The following MYO9B variants were observed in gnomAD, a reference collection of about 807,000 sequenced individuals.
MYO9B encodes unconventional myosin-IXb.
MYO9B carries 71 observed loss-of-function variants against 229.5 expected under a neutral mutation model. The observed-to-expected ratio is 0.31, with a 90% CI of 0.26 to 0.38. MYO9B has a LOEUF of 0.38. MYO9B is among the 10% of genes least tolerant of loss of function. MYO9B has a pLI of 1.00. For missense variants in MYO9B, 2,255 were observed against 2,920.5 expected, an observed-to-expected ratio of 0.77 and a Z score of 5.25; for synonymous variants, 1,185 against 1,235.8, an observed-to-expected ratio of 0.96 and a Z score of 0.86.
intron 2 of MYO9B, among the ~76,000 whole-genome samples, chr19:17,108,372 C>CA (rs2057813361): frequency 1.5e-5 from 1 of 65,728 alleles, no homozygotes; most frequent in Non-Finnish European, 3.0e-5. Context: ...CTGGATTTCT[C>CA]AACCTGGCTC....
chr19:17,205,387 A>G, intron 31 of MYO9B, 51 bp downstream of exon 31: 2 of 1,555,660 alleles, frequency 1.3e-6, no homozygotes, highest in Non-Finnish European at 1.8e-6. Context: ...ACTCACGGCC[A>G]GGTGCACCAG....
Position 17,175,711 on chromosome 19 carries a change from G to T in MYO9B, c.2189G>T (p.Gly730Val). 6.3e-7 allele frequency: 1 copy of T among 1,575,956 alleles called. No individual in the cohort carries two copies. Among genetic ancestry groups the T allele is most frequent in the Non-Finnish European group, 8.6e-7 (1 of 1,161,086 alleles). The change falls in exon 14 of 40, where the codon GGA becomes GTA. Residue 730 changes from glycine to valine, a missense_variant. Gly to Val is a moderately radical substitution (Grantham distance 109). This residue lies in a region of MYO9B where 155 missense variants were observed against 159.1 expected (regional missense o/e 0.97). Coordinates refer to ENST00000682292, the MANE Select transcript of MYO9B (RefSeq NM_004145.4). Reference sequence around the variant, plus strand: ...AGTCACCCAGAAGAGCTGCCAAGAGGAGCCAGCACCCCTTCGGAAAAACTT... The same window carrying T: ...AGTCACCCAGAAGAGCTGCCAAGAGTAGCCAGCACCCCTTCGGAAAAACTT... ...AQSHPEELPR[G>V]ASTPSEKLYR...
At chr19:17,210,511 G>C in intron 37 of MYO9B, 131 bp downstream of exon 37, 1 of 1,286,776 alleles carries the variant, frequency 7.8e-7, no homozygotes. Flanking sequence ...ATGCTGGGGA[G>C]GCCCCTTGCC....
At chr19:17,136,326 A>G (rs1215194162) in intron 2 of MYO9B, among the ~76,000 whole-genome samples, 2 of 152,146 alleles carry the variant, frequency 1.3e-5, no homozygotes. Flanking sequence ...GAGACGAGTC[A>G]GTGCCTCGAG....
chr19:17,181,089 A>G (rs1462383426), intron 15 of MYO9B, 49 bp downstream of exon 15: 3 of 1,357,554 alleles, frequency 2.2e-6, no homozygotes, highest in East Asian at 4.7e-5. Context: ...ACCGCCTCCC[A>G]CTACTCCTGC....
chr19:17,130,562 G>A (rs539325503), intron 2 of MYO9B, among the ~76,000 whole-genome samples: 133 of 152,124 alleles, frequency 8.7e-4, no homozygotes, highest in African/African-American at 3.0e-3. Flanking sequence ...GGAGCTTGGA[G>A]TGAGCCGAGA....
rs2145451426 is a variant in MYO9B at position 17,193,323 on chromosome 19, A to G, written c.3128+261A>G. ...ATTCTCTGCCCAGGGACTCCCCTGT[A>G]CCTGGATCGGTCAGGGAACACCTGG... On this transcript the variant is annotated intron_variant, in intron 21 of 39. Coordinates refer to ENST00000682292, the MANE Select transcript of MYO9B (RefSeq NM_004145.4). This position sits in a 1 kb window ranked among gnomAD's most constrained non-coding sequence, Gnocchi z 4.3. Among the ~76,000 whole-genome samples, 1 of 152,290 alleles carries G rather than the reference A, an allele frequency of 6.6e-6. No individual in the cohort carries two copies. The highest frequency in any genetic ancestry group is 6.5e-5 in the Admixed American group (1 of 15,294).
intron 1 of MYO9B, among the ~76,000 whole-genome samples, chr19:17,084,215 G>A (rs776457052): frequency 1.6e-4 from 24 of 151,990 alleles, no homozygotes; most frequent in Non-Finnish European, 3.1e-4. Context: ...ACACATGCCT[G>A]TGGTCCCAGC....
At chr19:17,211,549 CAG>C (rs953739378) in intron 38 of MYO9B, 96 bp from the exon 39 acceptor site, 3 of 1,190,876 alleles carry the variant, frequency 2.5e-6, no homozygotes, top group Admixed American at 2.8e-5. Flanking sequence ...GTTGGGGACA[CAG>C]AGTTACATCT....
chr19:17,117,956 A>T (rs2057922682), intron 2 of MYO9B, among the ~76,000 whole-genome samples: 2 of 151,186 alleles, frequency 1.3e-5, no homozygotes, highest in African/African-American at 4.9e-5. Context: ...AAAAAAAAAA[A>T]AGAAAAGACA....
intron 8 of MYO9B, among the ~76,000 whole-genome samples, chr19:17,160,443 C>CAGATGTGGGGAGATGTCAGATGTCAGAG (rs1406966849): frequency 2.6e-5 from 4 of 151,804 alleles, no homozygotes; most frequent in Admixed American, 2.6e-4. Flanking sequence ...AGAGCTGAGA[C>CAGATGTGGGGAGATGTCAGATGTCAGAG]CTGAATATGT....
At position 17,162,474 on chromosome 19, in the gene MYO9B, C is replaced by T. The variant is rs768896959; in HGVS notation, c.1536+8C>T. On this transcript the variant is annotated splice_region_variant and intron_variant, in intron 9 of 39. Coordinates refer to ENST00000682292, the MANE Select transcript of MYO9B (RefSeq NM_004145.4). ...GTGGAAGAGGCAGTCTCGGTGAGTG[C>T]CCCCATTTGCTTCCTCAAGCCCGGC... 9 of 1,552,420 alleles carry T rather than the reference C, an allele frequency of 5.8e-6. No homozygotes were observed. The South Asian group carries it at 8.3e-5, about 14-fold the overall frequency.
intron 35 of MYO9B, 77 bp downstream of exon 35, chr19:17,207,321 G>A (rs2073173905): frequency 1.3e-6 from 2 of 1,524,088 alleles, no homozygotes; most frequent in Non-Finnish European, 1.8e-6. Flanking sequence ...ATCCATCCCT[G>A]TGTAAATAAA....
intron 2 of MYO9B, among the ~76,000 whole-genome samples, chr19:17,124,759 C>T (rs78025767): frequency 1.5e-4 from 12 of 79,170 alleles, no homozygotes; most frequent in Non-Finnish European, 3.2e-4. Flanking sequence ...GACTCTGTCT[C>T]AAAAAAAAAA....
At chr19:17,169,232 C>T (rs1293727011) in intron 11 of MYO9B, among the ~76,000 whole-genome samples, 1 of 151,968 alleles carries the variant, frequency 6.6e-6, no homozygotes, top group African/African-American at 2.4e-5. Flanking sequence ...ATTAGCCGGG[C>T]ATGGTGACAG....
chr19:17,159,571 G>C lies in MYO9B; in HGVS notation c.1419+87G>C, dbSNP rs146685615. 52 of 1,179,736 alleles carry C rather than the reference G, an allele frequency of 4.4e-5. 1 individual carries two copies. The East Asian group carries it at 1.3e-3, about 30-fold the overall frequency. The allele number at this position is 1,179,736 out of a possible 1,614,324, so 73.1% of individuals were successfully genotyped here. A position where few individuals can be genotyped will look rare whatever the true frequency, so the allele number is the denominator to read the frequency against. ...TGGAAAGAGCCGGCATGGGTGGGCTGTTCTGTCCCTGAATGCTAGAATGGA... is the reference window on the plus strand; with the variant it reads ...TGGAAAGAGCCGGCATGGGTGGGCTCTTCTGTCCCTGAATGCTAGAATGGA... On this transcript the variant is annotated intron_variant, in intron 8 of 39. Coordinates refer to ENST00000682292, the MANE Select transcript of MYO9B (RefSeq NM_004145.4).
At chr19:17,097,118 A>T (rs562955410) in intron 1 of MYO9B, among the ~76,000 whole-genome samples, 2 of 151,924 alleles carry the variant, frequency 1.3e-5, no homozygotes, top group East Asian at 4.0e-4. Context: ...AGCCTAGTCA[A>T]CATGGCTGTC....
intron 36 of MYO9B, 32 bp from the exon 37 acceptor site, chr19:17,210,301 G>T (rs567605064): frequency 7.0e-6 from 11 of 1,568,656 alleles, no homozygotes; most frequent in South Asian, 4.7e-5. Flanking sequence ...GTCTTGGCCC[G>T]TGTGGTCACC....
At position 17,201,996 on chromosome 19, in the gene MYO9B, G is replaced by A. The variant is rs373414576; in HGVS notation, c.4634G>A (p.Ser1545Asn). 12 of 1,612,888 alleles carry A rather than the reference G, an allele frequency of 7.4e-6. No individual in the cohort carries two copies. Among genetic ancestry groups the A allele is most frequent in the Non-Finnish European group, 1.0e-5 (12 of 1,179,560 alleles). ...ATCGAAGCCACCGAGAAGTTCAGGAGCAACATCAAAACGATGTACTCTGTC... is the reference window on the plus strand; with the variant it reads ...ATCGAAGCCACCGAGAAGTTCAGGAACAACATCAAAACGATGTACTCTGTC... ...LFIEATEKFR[S>N]NIKTMYSVPN... The change falls in exon 27 of 40, where the codon AGC (serine) becomes AAC (asparagine). Residue 1545 changes from serine to asparagine, a missense_variant. Ser to Asn is a conservative substitution (Grantham distance 46). Around this residue, in one of 7 missense-constraint regions of MYO9B, gnomAD observed 416 missense variants for 605.5 expected, o/e 0.69. Coordinates refer to ENST00000682292, the MANE Select transcript of MYO9B (RefSeq NM_004145.4).
Sources: gnomAD v4.1 joint callset for allele counts (sites outside exome capture counted in the v4.1 genomes callset) on GRCh38, gnomAD v4.1.1 for gene constraint, gnomAD v4.1.1 regional missense constraint, Gnocchi (gnomAD v3.1) non-coding constraint, MANE v1.5 for transcripts, NCBI Gene and HGNC (gene_info 2026-07-23, HGNC 2026-07-21) for gene names.